Variants in LACTB2 observed in about 807,000 individuals in gnomAD.
The protein encoded by LACTB2 is endoribonuclease LACTB2.
Under a neutral mutation model 34.8 loss-of-function variants are expected in LACTB2, and 32 were observed. The ratio of observed to expected loss-of-function variants is 0.92; its 90% CI spans 0.69 to 1.24. The LOEUF is 1.24. Among genes scored for constraint, LACTB2 ranks in the 50% most tolerant of loss-of-function variants. The pLI, the probability that LACTB2 is intolerant of heterozygous loss-of-function variation, is 0.00. For missense variants in LACTB2, 320 were observed against 345.0 expected, an observed-to-expected ratio of 0.93 and a Z score of 0.57; for synonymous variants, 120 against 117.5, an observed-to-expected ratio of 1.02 and a Z score of -0.14.
At chr8:70,654,564 C>T (rs1354297065) in intron 3 of LACTB2, 1 of 151,818 alleles carries the variant, frequency 6.6e-6, no homozygotes, top group Non-Finnish European at 1.5e-5. Context: ...TGTGTATTTA[C>T]CTATTTTTTT....
chr8:70,651,388 A>G (rs1209859178), intron 3 of LACTB2, among the ~76,000 whole-genome samples: 2 of 152,326 alleles, frequency 1.3e-5, no homozygotes, highest in East Asian at 3.9e-4. Flanking sequence ...AGAAGTATTC[A>G]ATGTTATATG....
chr8:70,663,073 G>A (rs1451962229), intron 1 of LACTB2: 1 of 152,176 alleles, frequency 6.6e-6, no homozygotes, highest in East Asian at 1.9e-4. Flanking sequence ...GATTAGCCTT[G>A]ATGAAAAGTC....
intron 2 of LACTB2, among the ~76,000 whole-genome samples, chr8:70,659,921 G>A (rs771492047): frequency 5.3e-4 from 80 of 152,194 alleles, no homozygotes; most frequent in African/African-American, 1.8e-3. Context: ...GGTCACATAG[G>A]TATTGATGTT....
chr8:70,660,635 G>T (rs954468893), intron 2 of LACTB2: 1 of 456,232 alleles, frequency 2.2e-6, no homozygotes, highest in African/African-American at 2.0e-5. Context: ...CTCCTGCAAT[G>T]CTGTTTGCCT....
chr8:70,661,792 A>G lies in LACTB2; in HGVS notation c.228T>C (p.Thr76=). 1.2e-6 allele frequency: 2 copies of G among 1,613,780 alleles called. No individual in the cohort carries two copies. Among genetic ancestry groups the G allele is most frequent in the Non-Finnish European group, 1.7e-6 (2 of 1,179,868 alleles). ...FNTAIQEIVV[T]HWHRDHSGGI... ...CTCCAGAATGATCTCGGTGCCAGTGAGTCACTACAATTTCCTGGATTGCTG... is the reference window on the plus strand; with the variant it reads ...CTCCAGAATGATCTCGGTGCCAGTGGGTCACTACAATTTCCTGGATTGCTG... Residue 76 remains threonine, a synonymous_variant, in exon 2 of 7, where the codon ACT becomes ACC. Coordinates refer to ENST00000276590, the MANE Select transcript of LACTB2 (RefSeq NM_016027.3).
intron 1 of LACTB2, chr8:70,662,797 C>T (rs1818496211): frequency 6.6e-6 from 1 of 152,204 alleles, no homozygotes; most frequent in African/African-American, 2.4e-5. Flanking sequence ...AAGCGATTCT[C>T]CCACATCTAC....
Position 70,649,171 on chromosome 8 carries a change from C to T in LACTB2, c.414-4928G>A, listed in dbSNP as rs182233841. Among the ~76,000 whole-genome samples the T allele has an allele frequency of 2.0e-5, 3 of 152,182 alleles. No individual in the cohort carries two copies. In the East Asian group the frequency reaches 5.8e-4, roughly 29 times the overall value. On this transcript the variant is annotated intron_variant, in intron 3 of 6. Coordinates refer to ENST00000276590, the MANE Select transcript of LACTB2 (RefSeq NM_016027.3). ...CTACTGGAGATGGGTTCCCCTAAAA[C>T]AGAGGGGGTTTTAAGAAACTTATGG... is the stretch of plus-strand genomic sequence containing the variant.
At chr8:70,648,040 G>T (rs941189162) in intron 3 of LACTB2, among the ~76,000 whole-genome samples, 1 of 152,130 alleles carries the variant, frequency 6.6e-6, no homozygotes, top group African/African-American at 2.4e-5. Context: ...AGGCCTTTAC[G>T]CTACATGAAG....
chr8:70,637,975 G>C, intron 6 of LACTB2, 72 bp from the exon 7 acceptor site: 1 of 827,152 alleles, frequency 1.2e-6, no homozygotes, highest in Non-Finnish European at 1.8e-6. Context: ...AAGTTACCTT[G>C]TGGCTAGAAA....
In LACTB2 at chr8:70,669,026, T is replaced by C. The variant is rs1441369194; in HGVS notation, c.95A>G (p.Asn32Ser). Residue 32 changes from asparagine to serine, a missense_variant, in exon 1 of 7, where the codon AAC becomes AGC. Physicochemically the swap from Asn to Ser is conservative, Grantham distance 46. Transcript: ENST00000276590. ...GGGGCCGGTCCCCACTAGGTAGGTG[T>C]TGGTGCCTTGGAGGGTCATGGGACC... ...NPGPMTLQGT[N>S]TYLVGTGPRR... 6 of 1,603,274 alleles carry C rather than the reference T, an allele frequency of 3.7e-6. No individual in the cohort carries two copies. The highest frequency in any genetic ancestry group is 2.3e-5 in the East Asian group (1 of 44,406).
At chr8:70,641,776 AATATTAT>A (rs544421477) in intron 4 of LACTB2, among the ~76,000 whole-genome samples, 55 of 152,324 alleles carry the variant, frequency 3.6e-4, no homozygotes, top group Middle Eastern at 3.4e-3. Flanking sequence ...AGTACACATT[AATATTAT>A]ATATTATATA....
At chr8:70,662,136 T>C (rs1818487856) in intron 1 of LACTB2, 1 of 334,886 alleles carries the variant, frequency 3.0e-6, no homozygotes, top group African/African-American at 2.1e-5. Context: ...ATCTTGAACA[T>C]TTACATAGCA....
At chr8:70,650,525 T>C (rs2132073992) in intron 3 of LACTB2, among the ~76,000 whole-genome samples, 1 of 150,972 alleles carries the variant, frequency 6.6e-6, no homozygotes, top group South Asian at 2.1e-4. Context: ...AGGTCAGGAG[T>C]TCGAGATCAG....
chr8:70,650,735 CAAAAAAAAAAA>C lies in LACTB2; in HGVS notation c.414-6503_414-6493del, dbSNP rs61025700. On this transcript the variant is annotated intron_variant, in intron 3 of 6. Transcript: ENST00000276590. ...TGGGCGACAGAGTGAGACTCCATCTCAAAAAAAAAAAAAAAAAAAAAAAGAAAAAAAAAGAA... is the reference window on the plus strand; with the variant it reads ...TGGGCGACAGAGTGAGACTCCATCTCAAAAAAAAAAAAGAAAAAAAAAGAA... Among the ~76,000 whole-genome samples, 101 of 46,226 alleles carry C rather than the reference CAAAAAAAAAAA, an allele frequency of 2.2e-3. 1 individual carries two copies. The highest frequency in any genetic ancestry group is 8.1e-3 in the African/African-American group (92 of 11,330). The allele number at this position is 46,226 out of a possible 152,430, so 30.3% of individuals were successfully genotyped here. A position where few individuals can be genotyped will look rare whatever the true frequency, so the allele number is the denominator to read the frequency against.
chr8:70,656,347 G>A (rs1818411337), intron 3 of LACTB2, among the ~76,000 whole-genome samples: 2 of 152,150 alleles, frequency 1.3e-5, no homozygotes, highest in African/African-American at 4.8e-5. Flanking sequence ...TCCATCTTGA[G>A]TTGATTTTTG....
At position 70,659,050 on chromosome 8, in the gene LACTB2, G is replaced by A. The variant is rs148406260; in HGVS notation, c.287-1168C>T. ...TCAAAAAAATAAAGCATTAAAATGA[G>A]AATGAGCATGACATATGTGTGACAA... On this transcript the variant is annotated intron_variant, in intron 2 of 6. Transcript: ENST00000276590. Among the ~76,000 whole-genome samples, 637 of 152,160 alleles carry A rather than the reference G, an allele frequency of 4.2e-3. 4 individuals carry two copies. Among genetic ancestry groups the A allele is most frequent in the African/African-American group, 0.015 (612 of 41,504 alleles).
intron 3 of LACTB2, among the ~76,000 whole-genome samples, chr8:70,645,762 GC>G (rs1423471452): frequency 4.0e-5 from 6 of 149,820 alleles, no homozygotes; most frequent in Admixed American, 2.7e-4. Flanking sequence ...TTTTGTCCTT[GC>G]GATAGTTTGC....
At chr8:70,640,674 AT>A in intron 5 of LACTB2, 1 of 303,062 alleles carries the variant, frequency 3.3e-6, no homozygotes, top group Non-Finnish European at 5.8e-6. Context: ...TTTCTCCTAC[AT>A]AGTTAAGTAT....
At position 70,647,238 on chromosome 8, in the gene LACTB2, T is replaced by C. The variant is rs547357877; in HGVS notation, c.414-2995A>G. On this transcript the variant is annotated intron_variant, in intron 3 of 6. Coordinates refer to ENST00000276590, the MANE Select transcript of LACTB2 (RefSeq NM_016027.3). ...TATGTGCTTGGAATATATATATCTCTATCTATCTATATATATAATTTTTTT... is the reference window on the plus strand; with the variant it reads ...TATGTGCTTGGAATATATATATCTCCATCTATCTATATATATAATTTTTTT... Among the ~76,000 whole-genome samples the C allele has an allele frequency of 1.1e-4, 17 of 151,990 alleles. 1 individual carries two copies. In the South Asian group the frequency reaches 3.5e-3, roughly 32 times the overall value.
Sources: allele counts gnomAD v4.1 joint callset (sites outside exome capture counted in the v4.1 genomes callset), GRCh38; gene constraint gnomAD v4.1.1; transcripts MANE v1.5; gene names NCBI Gene and HGNC (gene_info 2026-07-23, HGNC 2026-07-21).